Variants in RCAN2 observed in about 807,000 individuals in gnomAD.
RCAN2 encodes calcipressin-2.
A neutral mutation model predicts 23.6 loss-of-function variants in RCAN2; 9 were observed. The observed-to-expected ratio is 0.38, with a 90% CI of 0.23 to 0.67. RCAN2 has a LOEUF of 0.67. Ranked by LOEUF, RCAN2 falls within the 30% of genes least tolerant of loss-of-function variation. The probability of loss-of-function intolerance (pLI) is 0.51; values close to 1 mark genes in which losing one functional copy is unlikely to be tolerated. For synonymous variants in RCAN2, 109 were observed against 115.7 expected (o/e 0.94, Z 0.37); for missense variants, 273 against 302.3 (o/e 0.90, Z 0.72).
chr6:46,313,074 C>G (rs1763316348), intron 2 of RCAN2, among the ~76,000 whole-genome samples: 1 of 152,198 alleles, frequency 6.6e-6, no homozygotes, highest in South Asian at 2.1e-4. Context: ...GTTCACCATT[C>G]TCTCTGGCAT....
intron 2 of RCAN2, among the ~76,000 whole-genome samples, chr6:46,330,679 G>T (rs1763938727): frequency 6.6e-6 from 1 of 151,830 alleles, no homozygotes; most frequent in Admixed American, 6.6e-5. Context: ...TTAATAGTTT[G>T]CTTATTTAAA....
intron 2 of RCAN2, among the ~76,000 whole-genome samples, chr6:46,390,519 T>A (rs1765902152): frequency 6.6e-6 from 1 of 152,226 alleles, no homozygotes; most frequent in Non-Finnish European, 1.5e-5. Flanking sequence ...CATTTGGAAC[T>A]TTCCTACGTT....
intron 2 of RCAN2, among the ~76,000 whole-genome samples, chr6:46,300,162 A>G (rs1333654760): frequency 6.6e-6 from 1 of 151,946 alleles, no homozygotes; most frequent in Non-Finnish European, 1.5e-5. Flanking sequence ...GGGAATAAAA[A>G]TAGATGGAAC....
chr6:46,311,758 TG>T (rs1481286284), intron 2 of RCAN2, among the ~76,000 whole-genome samples: 1 of 152,338 alleles, frequency 6.6e-6, no homozygotes, highest in Non-Finnish European at 1.5e-5. Context: ...TCTGGATTGC[TG>T]TTTAGCATAT....
At chr6:46,238,805 T>G (rs924274694) in intron 4 of RCAN2, among the ~76,000 whole-genome samples, 1 of 152,158 alleles carries the variant, frequency 6.6e-6, no homozygotes, top group African/African-American at 2.4e-5. Context: ...CCTCCTGCCT[T>G]AGCCTCCCAA....
chr6:46,258,706 C>T (rs1767005755), intron 2 of RCAN2, among the ~76,000 whole-genome samples: 1 of 152,104 alleles, frequency 6.6e-6, no homozygotes, highest in Admixed American at 6.6e-5. Context: ...AGTAGCGGTC[C>T]TAAAGTTCAC....
intron 2 of RCAN2, among the ~76,000 whole-genome samples, chr6:46,252,244 C>T (rs1364946909): frequency 1.3e-5 from 2 of 152,176 alleles, no homozygotes; most frequent in Non-Finnish European, 2.9e-5. Flanking sequence ...AAAGCACTAG[C>T]TGTAGGAATT....
chr6:46,279,111 G>T (rs1387186034), intron 2 of RCAN2, among the ~76,000 whole-genome samples: 1 of 148,940 alleles, frequency 6.7e-6, no homozygotes, highest in Non-Finnish European at 1.5e-5. Context: ...AAATTTTTTT[G>T]GTGTAATGTG....
At chr6:46,469,979 C>T (rs942379454) in intron 1 of RCAN2, among the ~76,000 whole-genome samples, 4 of 152,164 alleles carry the variant, frequency 2.6e-5, no homozygotes, top group Non-Finnish European at 1.5e-5. Context: ...GACCGAACCT[C>T]GATCTTGGAC....
chr6:46,289,092 G>T (rs1299841289), intron 2 of RCAN2, among the ~76,000 whole-genome samples: 2 of 152,222 alleles, frequency 1.3e-5, no homozygotes, highest in Non-Finnish European at 2.9e-5. Flanking sequence ...GGCTGCAGAT[G>T]CATCAGCTAT....
chr6:46,232,030 A>C (rs182135006), intron 4 of RCAN2, among the ~76,000 whole-genome samples: 1 of 152,364 alleles, frequency 6.6e-6, no homozygotes, highest in Admixed American at 6.5e-5. Flanking sequence ...TGCATCAACA[A>C]GCATTGAATC....
chr6:46,360,771 T>C (rs1244239274), intron 2 of RCAN2, among the ~76,000 whole-genome samples: 5 of 152,194 alleles, frequency 3.3e-5, no homozygotes, highest in Non-Finnish European at 7.3e-5. Context: ...TCTGTATTGG[T>C]TCTATCTAAT....
rs200047511 is a variant in RCAN2, at chr6:46,389,616, T to TCA, written c.225+67135_225+67136insTG. Among the ~76,000 whole-genome samples the TCA allele has an allele frequency of 5.0e-3, 760 of 152,330 alleles. 6 individuals carry two copies. The highest frequency in any genetic ancestry group is 0.017 in the African/African-American group (725 of 41,568). ...TAGTACTTTGCTGATGCACAATAAA[T>TCA]GTTTGTCAGACTATTATATAGGTGT... On this transcript the variant is annotated intron_variant, in intron 2 of 4. Transcript: ENST00000371374.
At chr6:46,262,498 G>A (rs890574648) in intron 2 of RCAN2, among the ~76,000 whole-genome samples, 3 of 152,044 alleles carry the variant, frequency 2.0e-5, no homozygotes, top group Non-Finnish European at 4.4e-5. Flanking sequence ...GCTCATGCTT[G>A]TAATCCTAGC....
At chr6:46,484,517 A>G (rs1479255414) in intron 1 of RCAN2, among the ~76,000 whole-genome samples, 1 of 152,236 alleles carries the variant, frequency 6.6e-6, no homozygotes, top group Non-Finnish European at 1.5e-5. Flanking sequence ...CTTCCAGGAT[A>G]ACTTTTCAGG....
chr6:46,330,257 TCTCGGGC>T (rs1763923483), intron 2 of RCAN2, among the ~76,000 whole-genome samples: 1 of 152,086 alleles, frequency 6.6e-6, no homozygotes, highest in Non-Finnish European at 1.5e-5. Context: ...AAGGGCAGAT[TCTCGGGC>T]CCCACCCAAG....
chr6:46,268,034 T>C (rs1767398042), intron 2 of RCAN2, among the ~76,000 whole-genome samples: 1 of 152,116 alleles, frequency 6.6e-6, no homozygotes, highest in African/African-American at 2.4e-5. Flanking sequence ...GTAACTGTAA[T>C]GGTCATATAT....
chr6:46,222,905 A>G lies in RCAN2; in HGVS notation c.*236T>C, dbSNP rs774168839. The G allele has an allele frequency of 6.4e-5, 32 of 502,472 alleles. No individual in the cohort carries two copies. The highest frequency in any genetic ancestry group is 1.0e-4 in the Non-Finnish European group (28 of 279,870). The allele number at this position is 502,472 out of a possible 1,614,324, so 31.1% of individuals were successfully genotyped here. A position where few individuals can be genotyped will look rare whatever the true frequency, so the allele number is the denominator to read the frequency against. Reference sequence around the variant, plus strand: ...TAGGCTGTGCTGATTGTTTAATAAGAAAATACTACTTTTTTCCCTAGAACC... The same window carrying G: ...TAGGCTGTGCTGATTGTTTAATAAGGAAATACTACTTTTTTCCCTAGAACC... On this transcript the variant is annotated 3_prime_UTR_variant, in exon 5 of 5. Transcript: ENST00000371374.
chr6:46,378,177 T>C (rs1765530744), intron 2 of RCAN2, among the ~76,000 whole-genome samples: 1 of 152,210 alleles, frequency 6.6e-6, no homozygotes, highest in Non-Finnish European at 1.5e-5. Context: ...ACAGATGCCA[T>C]GGGTCTCATG....
Sources: allele counts gnomAD v4.1 joint callset (sites outside exome capture counted in the v4.1 genomes callset), GRCh38; gene constraint gnomAD v4.1.1; transcripts MANE v1.5; gene names NCBI Gene and HGNC (gene_info 2026-07-23, HGNC 2026-07-21).